The following EDNRB variants were observed in gnomAD, a reference collection of about 807,000 sequenced individuals.
EDNRB encodes the protein endothelin receptor type B.
A neutral mutation model predicts 46.4 loss-of-function variants in EDNRB; 18 were observed. The observed-to-expected ratio is 0.39, with a 90% CI of 0.27 to 0.57. The LOEUF (loss-of-function observed/expected upper bound fraction) is 0.57, where lower values mean the gene tolerates loss of function less well. Among genes scored for constraint, EDNRB ranks in the 20% least tolerant of loss-of-function variants. The pLI is 0.61. For missense variants in EDNRB, 434 were observed against 537.5 expected, an observed-to-expected ratio of 0.81 and a Z score of 1.90; for synonymous variants, 213 against 204.9, an observed-to-expected ratio of 1.04 and a Z score of -0.34.
intron 1 of EDNRB, among the ~76,000 whole-genome samples, chr13:77,960,688 A>G (rs1182211727): frequency 2.0e-5 from 3 of 152,182 alleles, no homozygotes; most frequent in Admixed American, 2.0e-4. Flanking sequence ...GCACATAACA[A>G]TATTAACCTT....
At chr13:77,941,176 G>T (rs978212790) in intron 1 of EDNRB, among the ~76,000 whole-genome samples, 3 of 152,264 alleles carry the variant, frequency 2.0e-5, no homozygotes, top group African/African-American at 2.4e-5. Flanking sequence ...AAACTATCCC[G>T]TTAAAAGACT....
At chr13:77,920,408 C>T (rs7330412), upstream of EDNRB, among the ~76,000 whole-genome samples, 81,828 of 151,836 alleles carry the variant, frequency 0.54, 22,865 homozygotes, top group Non-Finnish European at 0.62. Flanking sequence ...ACTGTGCCGT[C>T]CTCCAATCAG....
intron 1 of EDNRB, among the ~76,000 whole-genome samples, chr13:77,946,615 C>T (rs1424501492): frequency 2.0e-5 from 3 of 152,072 alleles, no homozygotes; most frequent in Non-Finnish European, 4.4e-5. Context: ...GTTGGTGGCT[C>T]CATGTGACAG....
chr13:77,946,116 T>C (rs757447655), intron 1 of EDNRB, among the ~76,000 whole-genome samples: 1 of 152,170 alleles, frequency 6.6e-6, no homozygotes, highest in Non-Finnish European at 1.5e-5. Context: ...ATCCGAACTG[T>C]GATATACGTG....
chr13:77,904,512 T>C (rs958656701), intron 1 of EDNRB, among the ~76,000 whole-genome samples: 2 of 151,984 alleles, frequency 1.3e-5, no homozygotes, highest in Non-Finnish European at 2.9e-5. Flanking sequence ...GCTTGATTCA[T>C]AGACTCTAAA....
At chr13:77,927,494 G>T (rs145502059) in intron 1 of EDNRB, among the ~76,000 whole-genome samples, 1 of 152,134 alleles carries the variant, frequency 6.6e-6, no homozygotes, top group Non-Finnish European at 1.5e-5. Flanking sequence ...TGACAATTTG[G>T]CAAGAAAGTA....
At chr13:77,923,758 T>C (rs1880151723), upstream of EDNRB, among the ~76,000 whole-genome samples, 1 of 150,270 alleles carries the variant, frequency 6.7e-6, no homozygotes, top group African/African-American at 2.4e-5. Context: ...AGCTATTTAC[T>C]GGTAAATAAA....
At chr13:77,938,243 C>T (rs1486291477) in intron 1 of EDNRB, among the ~76,000 whole-genome samples, 1 of 151,864 alleles carries the variant, frequency 6.6e-6, no homozygotes, top group Admixed American at 6.6e-5. Context: ...GGGTTCTTAC[C>T]CTCCAGAAAA....
intron 1 of EDNRB, among the ~76,000 whole-genome samples, chr13:77,973,364 TAATATTTG>T (rs969280969): frequency 1.3e-5 from 2 of 152,202 alleles, no homozygotes; most frequent in African/African-American, 4.8e-5. Flanking sequence ...ATCTAATTTT[TAATATTTG>T]ACTATAAGGT....
In EDNRB at chr13:77,896,068, T is replaced by C. The variant is rs1247904721; in HGVS notation, c.*2132A>G. On this transcript the variant is annotated 3_prime_UTR_variant, in exon 7 of 7. Coordinates refer to ENST00000646607, the MANE Select transcript of EDNRB (RefSeq NM_001122659.3). ...AGAAATTATAATTGTTTCTTACTTATCAGTATGTTAAAGTTTTGAATCAAA... is the reference window on the plus strand; with the variant it reads ...AGAAATTATAATTGTTTCTTACTTACCAGTATGTTAAAGTTTTGAATCAAA... The C allele has an allele frequency of 6.5e-6, 1 of 153,946 alleles. No individual in the cohort carries two copies. Among genetic ancestry groups the C allele is most frequent in the African/African-American group, 2.4e-5 (1 of 41,458 alleles). 9.5% of individuals were successfully genotyped at this position (153,946 alleles called of 1,614,324 possible). A position where few individuals can be genotyped will look rare whatever the true frequency, so the allele number is the denominator to read the frequency against.
At chr13:77,919,872 G>A (rs1242927647), upstream of EDNRB, 1 of 358,566 alleles carries the variant, frequency 2.8e-6, no homozygotes, top group Non-Finnish European at 5.0e-6. Context: ...GCTCTGCACT[G>A]AACGTGATAA....
At chr13:77,905,392 A>G (rs2137616113) in intron 1 of EDNRB, among the ~76,000 whole-genome samples, 1 of 152,110 alleles carries the variant, frequency 6.6e-6, no homozygotes, top group Non-Finnish European at 1.5e-5. Flanking sequence ...ACATTGTATT[A>G]TCAAAATACA....
chr13:77,968,550 G>T (rs896563958), intron 1 of EDNRB, among the ~76,000 whole-genome samples: 1 of 151,918 alleles, frequency 6.6e-6, no homozygotes, highest in Admixed American at 6.6e-5. Flanking sequence ...AGACAGACAC[G>T]TTTTCTGCCT....
At chr13:77,922,252 G>A (rs1329851182), upstream of EDNRB, among the ~76,000 whole-genome samples, 1 of 152,028 alleles carries the variant, frequency 6.6e-6, no homozygotes, top group Non-Finnish European at 1.5e-5. Context: ...TTAGAAAGTT[G>A]AAGATAGACA....
Position 77,896,435 on chromosome 13 carries a change from G to A in EDNRB, c.*1765C>T, listed in dbSNP as rs184732068. On this transcript the variant is annotated 3_prime_UTR_variant, in exon 7 of 7. Transcript: ENST00000646607. ...GATTTATAAATAGAATCCATATGGT[G>A]TGTGAATTAATTATTATTGCTCTTT... 5.8e-6 allele frequency: 9 copies of A among 1,556,370 alleles called. No homozygotes were observed. The highest frequency in any genetic ancestry group is 4.1e-5 in the African/African-American group (3 of 73,768).
At chr13:77,928,250 T>G in intron 1 of EDNRB, among the ~76,000 whole-genome samples, 1 of 152,286 alleles carries the variant, frequency 6.6e-6, no homozygotes, top group East Asian at 1.9e-4. Flanking sequence ...AGTGGGGGCT[T>G]ACTTCATATT....
intron 1 of EDNRB, among the ~76,000 whole-genome samples, chr13:77,960,600 C>A (rs1467274095): frequency 1.3e-5 from 2 of 152,110 alleles, no homozygotes; most frequent in Non-Finnish European, 2.9e-5. Flanking sequence ...ATTGTAAAGA[C>A]CATCGATGCT....
chr13:77,930,633 G>A (rs1017021261), intron 1 of EDNRB, among the ~76,000 whole-genome samples: 3 of 152,184 alleles, frequency 2.0e-5, no homozygotes, highest in African/African-American at 7.2e-5. Flanking sequence ...GCACATTAGT[G>A]CAGAGCTGAA....
intron 1 of EDNRB, among the ~76,000 whole-genome samples, chr13:77,958,620 T>G (rs367914398): frequency 6.6e-6 from 1 of 152,242 alleles, no homozygotes; most frequent in African/African-American, 2.4e-5. Context: ...GGAACCCGCC[T>G]GCCTCAGCCT....
Sources: allele counts gnomAD v4.1 joint callset (sites outside exome capture counted in the v4.1 genomes callset), GRCh38; gene constraint gnomAD v4.1.1; transcripts MANE v1.5; gene names NCBI Gene and HGNC (gene_info 2026-07-23, HGNC 2026-07-21).